The following RSU1 variants were observed in gnomAD, a reference collection of about 807,000 sequenced individuals.
RSU1 encodes rsu-1.
RSU1 carries 26 observed loss-of-function variants against 31.1 expected under a neutral mutation model. The ratio of observed to expected loss-of-function variants is 0.84; its 90% confidence interval spans 0.61 to 1.16. RSU1 has a LOEUF of 1.16. Ranked by LOEUF, RSU1 falls within the 50% of genes most tolerant of loss-of-function variation. The pLI is 0.00. For synonymous variants in RSU1, 164 were observed against 136.3 expected (o/e 1.20, Z -1.41); for missense variants, 320 against 339.1 (o/e 0.94, Z 0.44).
At chr10:16,689,763 C>A (rs564472760) in intron 8 of RSU1, among the ~76,000 whole-genome samples, 1 of 151,870 alleles carries the variant, frequency 6.6e-6, no homozygotes, top group Non-Finnish European at 1.5e-5. Context: ...GTTAAAAAAA[C>A]GGAACACACA....
intron 7 of RSU1, among the ~76,000 whole-genome samples, chr10:16,707,698 T>G (rs553987872): frequency 6.6e-6 from 1 of 152,270 alleles, no homozygotes; most frequent in South Asian, 2.1e-4. Context: ...CTTCCTTTGC[T>G]GTGCAAAAGC....
At chr10:16,687,772 T>A (rs1029743401) in intron 8 of RSU1, among the ~76,000 whole-genome samples, 1 of 152,124 alleles carries the variant, frequency 6.6e-6, no homozygotes, top group Non-Finnish European at 1.5e-5. Context: ...GAAGCTGGAG[T>A]TCAGTGGTGT....
At chr10:16,736,742 T>C (rs1232007311) in intron 7 of RSU1, among the ~76,000 whole-genome samples, 1 of 151,730 alleles carries the variant, frequency 6.6e-6, no homozygotes, top group African/African-American at 2.4e-5. Flanking sequence ...AGAAATTACA[T>C]TACCAGATAA....
intron 8 of RSU1, among the ~76,000 whole-genome samples, chr10:16,608,366 G>A (rs1337831306): frequency 6.6e-6 from 1 of 152,104 alleles, no homozygotes; most frequent in Admixed American, 6.5e-5. Flanking sequence ...AACAAGTAGA[G>A]TAATGATATT....
chr10:16,598,341 C>A (rs949631655), intron 8 of RSU1, among the ~76,000 whole-genome samples: 4 of 151,966 alleles, frequency 2.6e-5, no homozygotes, highest in African/African-American at 9.7e-5. Context: ...GCGTTCACGA[C>A]CAGCCTGGGC....
chr10:16,619,576 C>T (rs1345706205), intron 8 of RSU1, among the ~76,000 whole-genome samples: 1 of 152,176 alleles, frequency 6.6e-6, no homozygotes, highest in Non-Finnish European at 1.5e-5. Context: ...TAAGGAAGTG[C>T]CTCGTGTGTT....
intron 7 of RSU1, among the ~76,000 whole-genome samples, chr10:16,715,128 C>G (rs1479089038): frequency 6.6e-6 from 1 of 152,210 alleles, no homozygotes. Context: ...TGCTGCTCCC[C>G]TAGTGCGGTC....
At chr10:16,653,742 A>G (rs1834725338) in intron 8 of RSU1, among the ~76,000 whole-genome samples, 1 of 152,166 alleles carries the variant, frequency 6.6e-6, no homozygotes, top group Non-Finnish European at 1.5e-5. Flanking sequence ...AAGAGCAGAA[A>G]GAAGATAATA....
chr10:16,715,237 C>A (rs1836117248), intron 7 of RSU1, among the ~76,000 whole-genome samples: 1 of 152,202 alleles, frequency 6.6e-6, no homozygotes, highest in African/African-American at 2.4e-5. Context: ...CTCTCATTGG[C>A]CATATTGCTC....
chr10:16,774,282 A>G (rs551902308), intron 3 of RSU1, among the ~76,000 whole-genome samples: 1 of 152,196 alleles, frequency 6.6e-6, no homozygotes, highest in African/African-American at 2.4e-5. Context: ...AAAATCATCT[A>G]AAGTTTTATA....
intron 7 of RSU1, among the ~76,000 whole-genome samples, chr10:16,701,234 T>C (rs1037272551): frequency 3.3e-5 from 5 of 152,232 alleles, no homozygotes; most frequent in African/African-American, 1.2e-4. Flanking sequence ...TGCACACTAA[T>C]TGGTACAAAA....
intron 2 of RSU1, among the ~76,000 whole-genome samples, chr10:16,795,567 C>A (rs1393807048): frequency 6.6e-6 from 1 of 152,040 alleles, no homozygotes; most frequent in African/African-American, 2.4e-5. Flanking sequence ...TGTAACTTGT[C>A]TGTGATTTCA....
chr10:16,765,873 G>A (rs906858429), intron 3 of RSU1, among the ~76,000 whole-genome samples: 23 of 152,188 alleles, frequency 1.5e-4, no homozygotes, highest in African/African-American at 5.3e-4. Flanking sequence ...ACTCAGACCC[G>A]GGAGCACCTG....
intron 7 of RSU1, among the ~76,000 whole-genome samples, chr10:16,714,186 G>A (rs574122080): frequency 5.9e-5 from 9 of 152,228 alleles, no homozygotes; most frequent in Admixed American, 1.3e-4. Flanking sequence ...GAGCAGCTAC[G>A]TGGCTGTCTC....
intron 2 of RSU1, among the ~76,000 whole-genome samples, chr10:16,809,952 G>A (rs547667441): frequency 4.6e-5 from 7 of 150,822 alleles, no homozygotes; most frequent in African/African-American, 1.7e-4. Flanking sequence ...CAGGCACATT[G>A]GCTCACACCT....
intron 3 of RSU1, among the ~76,000 whole-genome samples, chr10:16,771,692 C>G (rs545151225): frequency 6.6e-6 from 1 of 152,160 alleles, no homozygotes; most frequent in East Asian, 1.9e-4. Context: ...GAACTAATTA[C>G]ATATTACCAC....
intron 7 of RSU1, among the ~76,000 whole-genome samples, chr10:16,723,381 G>C (rs1836322238): frequency 6.6e-6 from 1 of 151,992 alleles, no homozygotes; most frequent in Non-Finnish European, 1.5e-5. Flanking sequence ...TAAAGTTATG[G>C]CTCTGATCTG....
chr10:16,593,503 A>T lies in RSU1; in HGVS notation c.732-7T>A, dbSNP rs1485191121. On this transcript the variant is annotated splice_region_variant and splice_polypyrimidine_tract_variant and intron_variant, in intron 8 of 8. Coordinates refer to ENST00000345264, the MANE Select transcript of RSU1 (RefSeq NM_012425.4). ...CATGTGTCTGCCGTAGAGGCTGCAA[A>T]GACAGAGAAAGGACACTATCAGATC... 2 of 1,602,622 alleles carry T rather than the reference A, an allele frequency of 1.2e-6. No homozygotes were observed. Among genetic ancestry groups the T allele is most frequent in the Admixed American group, 3.3e-5 (2 of 59,980 alleles).
At chr10:16,607,534 G>C (rs1452552844) in intron 8 of RSU1, among the ~76,000 whole-genome samples, 1 of 152,194 alleles carries the variant, frequency 6.6e-6, no homozygotes, top group African/African-American at 2.4e-5. Context: ...AAGGAGGTGT[G>C]TGGATCTAAA....
Sources: allele counts gnomAD v4.1 joint callset (sites outside exome capture counted in the v4.1 genomes callset), GRCh38; gene constraint gnomAD v4.1.1; transcripts MANE v1.5; gene names NCBI Gene and HGNC (gene_info 2026-07-23, HGNC 2026-07-21).